SLAIN2: variants seen among roughly 807,000 people sequenced by gnomAD.
The protein encoded by SLAIN2 is SLAIN motif-containing protein 2.
Under a neutral mutation model 56.6 loss-of-function variants are expected in SLAIN2, and 31 were observed. The observed-to-expected ratio is 0.55, with a 90% CI of 0.41 to 0.74. SLAIN2 has a LOEUF of 0.74. Ranked by LOEUF, SLAIN2 falls within the 30% of genes least tolerant of loss-of-function variation. The pLI is 0.00. For missense variants in SLAIN2, 777 were observed against 754.2 expected, an observed-to-expected ratio of 1.03 and a Z score of -0.35; for synonymous variants, 317 against 284.9, an observed-to-expected ratio of 1.11 and a Z score of -1.13.
At chr4:48,395,810 C>CTTTTTTTTTTTTTTTTTTTTTTTT (rs10649464) in intron 6 of SLAIN2, among the ~76,000 whole-genome samples, 1 of 72,792 alleles carries the variant, frequency 1.4e-5, no homozygotes, top group Non-Finnish European at 2.4e-5. Context: ...GAACCTTAGG[C>CTTTTTTTTTTTTTTTTTTTTTTTT]TTTTTTTTTT....
intron 6 of SLAIN2, among the ~76,000 whole-genome samples, chr4:48,388,926 T>C (rs1716165514): frequency 6.6e-6 from 1 of 152,174 alleles, no homozygotes. Flanking sequence ...AGCATCAACA[T>C]TGTACTTGGA....
intron 7 of SLAIN2, 133 bp downstream of exon 7, chr4:48,420,576 T>C (rs1217440391): frequency 1.0e-6 from 1 of 1,000,886 alleles, no homozygotes; most frequent in South Asian, 1.7e-5. Flanking sequence ...TTTAGTACCA[T>C]TTGAATAAAA....
intron 1 of SLAIN2, among the ~76,000 whole-genome samples, chr4:48,368,750 TTTGGA>T (rs1715591366): frequency 6.6e-6 from 1 of 152,170 alleles, no homozygotes; most frequent in Admixed American, 6.5e-5. Context: ...TCCAAATGAA[TTTGGA>T]TTGTAGACTA....
At chr4:48,394,624 A>G (rs1716330546) in intron 6 of SLAIN2, 1 of 1,535,976 alleles carries the variant, frequency 6.5e-7, no homozygotes. Flanking sequence ...AAAGCCAAAC[A>G]GTTGCTTCAA....
chr4:48,423,834 A>C lies in SLAIN2; in HGVS notation c.*1757A>C, dbSNP rs554426750. The C allele has an allele frequency of 6.6e-6, 1 of 152,136 alleles. No homozygotes were observed. Among genetic ancestry groups the C allele is most frequent in the Non-Finnish European group, 1.5e-5 (1 of 68,020 alleles). The allele number at this position is 152,136 out of a possible 1,614,324, so 9.4% of individuals were successfully genotyped here. On this transcript the variant is annotated 3_prime_UTR_variant, in exon 8 of 8. Coordinates refer to ENST00000264313, the MANE Select transcript of SLAIN2 (RefSeq NM_020846.2). ...GGATGGCGCCAGAATTCTACATGAT[A>C]ATGAACTAAAAAATGTTGCTTTTCA...
chr4:48,359,827 T>A (rs557497090), intron 1 of SLAIN2, among the ~76,000 whole-genome samples: 2 of 152,346 alleles, frequency 1.3e-5, no homozygotes, highest in South Asian at 4.1e-4. Flanking sequence ...ACATTTCTAA[T>A]AACTCAGTAT....
chr4:48,358,611 C>T (rs1473383018), intron 1 of SLAIN2, among the ~76,000 whole-genome samples: 2 of 151,996 alleles, frequency 1.3e-5, no homozygotes, highest in Admixed American at 6.6e-5. Context: ...CCACTGCGCG[C>T]GGCCCAACAA....
At chr4:48,379,169 G>A (rs561530028) in intron 3 of SLAIN2, among the ~76,000 whole-genome samples, 32 of 152,134 alleles carry the variant, frequency 2.1e-4, no homozygotes, top group African/African-American at 7.7e-4. Context: ...CTTTAAACAT[G>A]GCATAATGTA....
At chr4:48,359,256 A>C (rs1360304345) in intron 1 of SLAIN2, among the ~76,000 whole-genome samples, 2 of 152,178 alleles carry the variant, frequency 1.3e-5, no homozygotes, top group Non-Finnish European at 2.9e-5. Context: ...GTTCTTTTGC[A>C]CTGAATGTAC....
intron 6 of SLAIN2, among the ~76,000 whole-genome samples, chr4:48,399,700 T>C (rs1428330095): frequency 2.6e-5 from 4 of 152,096 alleles, no homozygotes; most frequent in Non-Finnish European, 5.9e-5. Context: ...ATATTGAGAG[T>C]TTTTAACGTG....
At chr4:48,395,027 C>A (rs1236989345) in intron 6 of SLAIN2, among the ~76,000 whole-genome samples, 1 of 152,146 alleles carries the variant, frequency 6.6e-6, no homozygotes, top group East Asian at 1.9e-4. Flanking sequence ...TTTACTTTTA[C>A]TTACCTGTGT....
intron 1 of SLAIN2, among the ~76,000 whole-genome samples, chr4:48,350,388 A>G (rs1376068479): frequency 2.0e-5 from 3 of 152,218 alleles, no homozygotes; most frequent in South Asian, 2.1e-4. Flanking sequence ...GAACATATCT[A>G]TAACTATATA....
chr4:48,359,675 T>C (rs1268524114), intron 1 of SLAIN2, among the ~76,000 whole-genome samples: 1 of 152,232 alleles, frequency 6.6e-6, no homozygotes, highest in Admixed American at 6.5e-5. Flanking sequence ...TTTGTACATT[T>C]CCATATTACT....
chr4:48,359,484 C>A (rs1291229051), intron 1 of SLAIN2, among the ~76,000 whole-genome samples: 2 of 152,206 alleles, frequency 1.3e-5, no homozygotes, highest in Non-Finnish European at 2.9e-5. Context: ...GCGGTTACCA[C>A]AGATTCAGCA....
intron 7 of SLAIN2, among the ~76,000 whole-genome samples, chr4:48,421,503 G>A (rs1051500871): frequency 2.0e-5 from 3 of 151,928 alleles, no homozygotes; most frequent in African/African-American, 7.3e-5. Context: ...TAAATGAGTA[G>A]GTATTCTTAT....
In SLAIN2 at chr4:48,382,915, G is replaced by A. The variant is rs984778647; in HGVS notation, c.1210G>A (p.Val404Ile). The part of the protein sequence containing the change: ...GHPTDLQTSN[V>I]KNEEKLRRSL... ...TCCCACAGATTTACAGACAAGCAATGTTAAAAATGAAGGTAAAATAGCAGA... is the reference window on the plus strand; with the variant it reads ...TCCCACAGATTTACAGACAAGCAATATTAAAAATGAAGGTAAAATAGCAGA... Residue 404 changes from valine to isoleucine, a missense_variant, in exon 5 of 8, where the codon GTT (valine) becomes ATT (isoleucine). Val to Ile is a conservative substitution (Grantham distance 29). Transcript: ENST00000264313. 1.2e-6 allele frequency: 2 copies of A among 1,604,000 alleles called. No homozygotes were observed. The highest frequency in any genetic ancestry group is 1.7e-6 in the Non-Finnish European group (2 of 1,173,330).
chr4:48,341,690 C>G lies in SLAIN2; in HGVS notation c.-50C>G. ...CTCTTTCCTCCGTCTCTTTCCCTGTCGCTGCGAGAGCGAGCGGGCGGCGGA... is the reference window on the plus strand; with the variant it reads ...CTCTTTCCTCCGTCTCTTTCCCTGTGGCTGCGAGAGCGAGCGGGCGGCGGA... On this transcript the variant is annotated 5_prime_UTR_variant, in exon 1 of 8. Transcript: ENST00000264313. The G allele has an allele frequency of 6.6e-7, 1 of 1,514,672 alleles. No homozygotes were observed. Among genetic ancestry groups the G allele is most frequent in the South Asian group, 1.3e-5 (1 of 79,922 alleles). The allele number at this position is 1,514,672 out of a possible 1,614,324, so 93.8% of individuals were successfully genotyped here. A position where few individuals can be genotyped will look rare whatever the true frequency, so the allele number is the denominator to read the frequency against.
chr4:48,381,730 G>T (rs1715977535), intron 4 of SLAIN2, among the ~76,000 whole-genome samples: 1 of 152,160 alleles, frequency 6.6e-6, no homozygotes, highest in Non-Finnish European at 1.5e-5. Flanking sequence ...ATGACTTTAG[G>T]ATTTGAATAC....
At chr4:48,387,406 A>G (rs948253593) in intron 6 of SLAIN2, 1 of 152,102 alleles carries the variant, frequency 6.6e-6, no homozygotes, top group African/African-American at 2.4e-5. Context: ...TTGATAATTA[A>G]GGAATATATA....
Sources: allele counts gnomAD v4.1 joint callset (sites outside exome capture counted in the v4.1 genomes callset), GRCh38; gene constraint gnomAD v4.1.1; transcripts MANE v1.5; gene names NCBI Gene and HGNC (gene_info 2026-07-23, HGNC 2026-07-21).